Variants in AKAP6 observed in about 807,000 individuals in gnomAD.
The protein encoded by AKAP6 is A-kinase anchoring protein 6, also known as A-kinase anchor protein 6.
Under a neutral mutation model 188.5 loss-of-function variants are expected in AKAP6, and 58 were observed. That is an observed-to-expected ratio of 0.31 (90% CI 0.25 to 0.38). The LOEUF (loss-of-function observed/expected upper bound fraction) is 0.38, where lower values mean the gene tolerates loss of function less well. AKAP6 is among the 10% of genes least tolerant of loss of function. The pLI is 1.00. For synonymous variants in AKAP6, 989 were observed against 998.6 expected (o/e 0.99, Z 0.18); for missense variants, 2,710 against 2,740.0 (o/e 0.99, Z 0.24).
intron 4 of AKAP6, among the ~76,000 whole-genome samples, chr14:32,547,877 T>C (rs1883269132): frequency 6.6e-6 from 1 of 151,754 alleles, no homozygotes; most frequent in Non-Finnish European, 1.5e-5. Flanking sequence ...CTGAGCTCCA[T>C]AGTATAAGTA....
intron 2 of AKAP6, among the ~76,000 whole-genome samples, chr14:32,521,544 CA>C (rs1881834530): frequency 6.6e-6 from 1 of 152,152 alleles, no homozygotes; most frequent in Admixed American, 6.5e-5. Context: ...ACACCACTAA[CA>C]GACAAACAGA....
intron 1 of AKAP6, among the ~76,000 whole-genome samples, chr14:32,393,970 C>G (rs1888794474): frequency 6.6e-6 from 1 of 152,040 alleles, no homozygotes; most frequent in Non-Finnish European, 1.5e-5. Flanking sequence ...CAAATTTTGA[C>G]CTTCAACTTG....
rs563055512 is a variant in AKAP6 at position 32,708,002 on chromosome 14, T to C, written c.3000+11892T>C. On this transcript the variant is annotated intron_variant, in intron 9 of 13. Coordinates refer to ENST00000280979, the MANE Select transcript of AKAP6 (RefSeq NM_004274.5). ...AAATGGTACAGAAATCCACAACTAA[T>C]CACCATAATTCTATGGCTAGTCTCC... is the stretch of plus-strand genomic sequence containing the variant. Among the ~76,000 whole-genome samples the C allele has an allele frequency of 5.9e-5, 9 of 152,124 alleles. No individual in the cohort carries two copies. In the South Asian group the frequency reaches 1.7e-3, roughly 28 times the overall value.
At chr14:32,716,665 T>TTATCTATCTATC (rs59039609) in intron 9 of AKAP6, among the ~76,000 whole-genome samples, 20,109 of 143,436 alleles carry the variant, frequency 0.14, 1,470 homozygotes, top group Middle Eastern at 0.21. Context: ...ATGGTATACA[T>TTATCTATCTATC]TATCTATCTA....
chr14:32,802,004 C>T (rs976584569), intron 12 of AKAP6, among the ~76,000 whole-genome samples: 3 of 152,228 alleles, frequency 2.0e-5, no homozygotes, highest in East Asian at 3.9e-4. Flanking sequence ...TATCCTGCTT[C>T]CTGGCTCTGA....
intron 2 of AKAP6, among the ~76,000 whole-genome samples, chr14:32,443,452 C>G (rs1594619409): frequency 6.6e-6 from 1 of 152,028 alleles, no homozygotes; most frequent in East Asian, 1.9e-4. Context: ...AACTCATTGC[C>G]CAGGCCATGT....
chr14:32,817,353 A>G (rs1469640890), intron 12 of AKAP6, among the ~76,000 whole-genome samples: 1 of 152,084 alleles, frequency 6.6e-6, no homozygotes, highest in African/African-American at 2.4e-5. Flanking sequence ...TTCTCTGTAT[A>G]TGTTGTGCTA....
chr14:32,433,019 G>C (rs1222236202), intron 1 of AKAP6: 1 of 163,770 alleles, frequency 6.1e-6, no homozygotes, highest in Non-Finnish European at 1.3e-5. Context: ...AAAGTAGAAG[G>C]GCATAAAGGG....
At chr14:32,686,553 T>C (rs1383315547) in intron 8 of AKAP6, among the ~76,000 whole-genome samples, 3 of 151,918 alleles carry the variant, frequency 2.0e-5, no homozygotes, top group Non-Finnish European at 4.4e-5. Flanking sequence ...TCTCATGTAC[T>C]CCATAAATAT....
chr14:32,748,609 A>G (rs1306051221), intron 11 of AKAP6, among the ~76,000 whole-genome samples: 2 of 152,218 alleles, frequency 1.3e-5, no homozygotes, highest in African/African-American at 2.4e-5. Context: ...TGAATTATCT[A>G]TTAATTGGAT....
Position 32,786,296 on chromosome 14 carries a change from A to ATGTT in AKAP6, c.3588+12404_3588+12405insGTTT. On this transcript the variant is annotated intron_variant, in intron 12 of 13. Coordinates refer to ENST00000280979, the MANE Select transcript of AKAP6 (RefSeq NM_004274.5). Reference sequence around the variant, plus strand: ...AGCCCTCTGAAAGACCTAAACCTTTATCTTTTTTTTTTTTTTTTTTTTTTT... The same window carrying ATGTT: ...AGCCCTCTGAAAGACCTAAACCTTTATGTTTCTTTTTTTTTTTTTTTTTTTTTTT... Among the ~76,000 whole-genome samples the ATGTT allele has an allele frequency of 5.3e-3, 497 of 93,622 alleles. 73 individuals are homozygous for ATGTT. The highest frequency in any genetic ancestry group is 0.012 in the African/African-American group (293 of 24,364). 61.4% of individuals were successfully genotyped at this position (93,622 alleles called of 152,430 possible). A position where few individuals can be genotyped will look rare whatever the true frequency, so the allele number is the denominator to read the frequency against.
chr14:32,791,511 G>A (rs1360742484), intron 12 of AKAP6, among the ~76,000 whole-genome samples: 1 of 151,842 alleles, frequency 6.6e-6, no homozygotes, highest in Non-Finnish European at 1.5e-5. Flanking sequence ...GTAGATTCTG[G>A]GTATTAGCCC....
At chr14:32,608,152 G>A (rs1566601945) in intron 7 of AKAP6, among the ~76,000 whole-genome samples, 1 of 151,950 alleles carries the variant, frequency 6.6e-6, no homozygotes, top group Non-Finnish European at 1.5e-5. Flanking sequence ...AAAATGGTTG[G>A]GAAAATAAAA....
At chr14:32,459,250 T>C (rs972245022) in intron 2 of AKAP6, among the ~76,000 whole-genome samples, 18 of 152,044 alleles carry the variant, frequency 1.2e-4, no homozygotes, top group Middle Eastern at 3.2e-3. Flanking sequence ...GGGGAGGCAA[T>C]TGACTGCAAA....
chr14:32,497,115 C>T (rs909103464), intron 2 of AKAP6, among the ~76,000 whole-genome samples: 2 of 152,250 alleles, frequency 1.3e-5, no homozygotes, highest in Admixed American at 1.3e-4. Flanking sequence ...TGAGAAAGTT[C>T]ATCCTCTGGA....
In AKAP6 at chr14:32,823,471, TA is replaced by T; in HGVS notation, c.5661del (p.Asp1888IlefsTer25). 1 of 1,613,508 alleles carries T rather than the reference TA, an allele frequency of 6.2e-7. No individual in the cohort carries two copies. Among genetic ancestry groups the T allele is most frequent in the Non-Finnish European group, 8.5e-7 (1 of 1,179,842 alleles). Reference protein sequence around the residue: ...ENKKTIFKVNKDPYVADMENG... With the variant: ...ENKKTIFKVNXDPYVADMENG... ...ATAAGAAAACTATTTTCAAAGTTAA[TA>T]AAGATCCATATGTGGCTGACATGGA... On this transcript the variant is annotated frameshift_variant, in exon 13 of 14. Transcript: ENST00000280979. LOFTEE classifies it high-confidence loss of function.
At chr14:32,421,114 T>A (rs1245225065) in intron 1 of AKAP6, among the ~76,000 whole-genome samples, 1 of 152,190 alleles carries the variant, frequency 6.6e-6, no homozygotes, top group Non-Finnish European at 1.5e-5. Context: ...CCTTTGTATA[T>A]GCCTCTACTT....
intron 12 of AKAP6, among the ~76,000 whole-genome samples, chr14:32,777,251 A>C (rs950894467): frequency 6.6e-6 from 1 of 152,204 alleles, no homozygotes; most frequent in Non-Finnish European, 1.5e-5. Context: ...AATACCCAAC[A>C]TACAACAAGT....
intron 12 of AKAP6, among the ~76,000 whole-genome samples, chr14:32,821,103 A>G (rs571581403): frequency 2.0e-5 from 3 of 152,346 alleles, no homozygotes; most frequent in South Asian, 2.1e-4. Flanking sequence ...CCAAGATTCA[A>G]AATGTAGATG....
Sources: allele counts gnomAD v4.1 joint callset (sites outside exome capture counted in the v4.1 genomes callset), GRCh38; gene constraint gnomAD v4.1.1; transcripts MANE v1.5; gene names NCBI Gene and HGNC (gene_info 2026-07-23, HGNC 2026-07-21).